Variants in CLMN observed in about 807,000 individuals in gnomAD.
CLMN encodes the protein calmin (calponin-like, transmembrane).
In CLMN, 57 loss-of-function variants were observed where a neutral mutation model predicts 92.7. That is an observed-to-expected ratio of 0.61 (90% CI 0.50 to 0.77). CLMN has a LOEUF of 0.77. CLMN is among the 30% of genes least tolerant of loss of function. CLMN has a pLI of 0.00. For missense variants in CLMN, 1,158 were observed against 1,237.5 expected (o/e 0.94, Z 0.96); for synonymous variants, 466 against 470.6 (o/e 0.99, Z 0.13).
At chr14:95,272,395 G>T (rs903539980) in intron 1 of CLMN, among the ~76,000 whole-genome samples, 1 of 152,204 alleles carries the variant, frequency 6.6e-6, no homozygotes, top group Non-Finnish European at 1.5e-5. Context: ...ACAGAATGGG[G>T]TGGGAGAGAA....
intron 4 of CLMN, among the ~76,000 whole-genome samples, chr14:95,219,885 T>C (rs1307124520): frequency 6.6e-6 from 1 of 152,120 alleles, no homozygotes; most frequent in East Asian, 1.9e-4. Context: ...TATGCAAGAA[T>C]CACTACAATC....
intron 1 of CLMN, among the ~76,000 whole-genome samples, chr14:95,306,927 C>T (rs147539067): frequency 8.5e-4 from 130 of 152,260 alleles, no homozygotes; most frequent in African/African-American, 2.9e-3. Context: ...CAAGATGAAA[C>T]AATACATGCA....
intron 1 of CLMN, among the ~76,000 whole-genome samples, chr14:95,242,250 C>CTTTTTTTTTTT (rs371417505): frequency 5.3e-4 from 49 of 92,590 alleles, no homozygotes; most frequent in Non-Finnish European, 8.1e-4. Context: ...TTTTCTTTTT[C>CTTTTTTTTTTT]TTTTTTTTTT....
intron 2 of CLMN, among the ~76,000 whole-genome samples, chr14:95,226,668 T>C (rs1464524992): frequency 2.0e-5 from 3 of 152,036 alleles, no homozygotes; most frequent in Non-Finnish European, 4.4e-5. Context: ...TCTCAAACCC[T>C]TAGCTCAAGT....
At chr14:95,254,083 A>G (rs897173531) in intron 1 of CLMN, among the ~76,000 whole-genome samples, 2 of 152,152 alleles carry the variant, frequency 1.3e-5, no homozygotes, top group Non-Finnish European at 2.9e-5. Context: ...TCCTAGCAGC[A>G]CCACTGTTGT....
At chr14:95,221,122 T>C (rs1054731473) in intron 4 of CLMN, among the ~76,000 whole-genome samples, 5 of 152,170 alleles carry the variant, frequency 3.3e-5, no homozygotes, top group Admixed American at 1.3e-4. Context: ...CCCGGATTGA[T>C]TGGTGAAACC....
chr14:95,293,633 G>C (rs1217494266), intron 1 of CLMN, among the ~76,000 whole-genome samples: 4 of 152,098 alleles, frequency 2.6e-5, no homozygotes, highest in African/African-American at 9.7e-5. Flanking sequence ...CCCAGCACTG[G>C]ATAAGAAGGG....
chr14:95,262,054 T>C (rs1262281182), intron 1 of CLMN, among the ~76,000 whole-genome samples: 1 of 152,242 alleles, frequency 6.6e-6, no homozygotes, highest in East Asian at 1.9e-4. Flanking sequence ...TGGGCCAGCG[T>C]CCACGCCTGT....
At chr14:95,240,819 G>A (rs1041095834) in intron 1 of CLMN, among the ~76,000 whole-genome samples, 2 of 152,192 alleles carry the variant, frequency 1.3e-5, no homozygotes, top group Non-Finnish European at 2.9e-5. Context: ...GGAAGTGATT[G>A]GCCTCAGTAG....
chr14:95,214,346 T>G (rs978907446), intron 5 of CLMN, among the ~76,000 whole-genome samples: 2 of 90,640 alleles, frequency 2.2e-5, no homozygotes, highest in Non-Finnish European at 4.7e-5. Context: ...TGCTGCTGCT[T>G]TTTTTTTTTT....
intron 1 of CLMN, among the ~76,000 whole-genome samples, chr14:95,304,412 C>A (rs1426180309): frequency 6.6e-6 from 1 of 151,648 alleles, no homozygotes; most frequent in East Asian, 1.9e-4. Flanking sequence ...AGCCAATTTA[C>A]AACCCAGAAG....
intron 1 of CLMN, among the ~76,000 whole-genome samples, chr14:95,265,930 T>C (rs780982558): frequency 8.5e-5 from 13 of 152,206 alleles, no homozygotes; most frequent in Non-Finnish European, 1.6e-4. Context: ...AGCCATCTCC[T>C]GATGAAACCA....
intron 9 of CLMN, among the ~76,000 whole-genome samples, chr14:95,198,850 T>G (rs924513427): frequency 1.6e-4 from 25 of 152,218 alleles, no homozygotes; most frequent in Non-Finnish European, 3.4e-4. Flanking sequence ...ACAGGCCACA[T>G]CCAATAGGCC....
At chr14:95,241,409 C>T (rs1239571168) in intron 1 of CLMN, among the ~76,000 whole-genome samples, 1 of 152,080 alleles carries the variant, frequency 6.6e-6, no homozygotes, top group African/African-American at 2.4e-5. Flanking sequence ...CTGGGACAGG[C>T]AGAACTGGAT....
rs574353507 is a variant in CLMN, at chr14:95,221,692, T to C, written c.323A>G (p.Asn108Ser). The C allele has an allele frequency of 8.1e-6, 13 of 1,613,288 alleles. No individual in the cohort carries two copies. The highest frequency in any genetic ancestry group is 5.0e-5 in the Admixed American group (3 of 59,954). ...AKALKFLEDS[N>S]VKLVSIDAAE... ...GCAGGATGAGCTTCAAACACTTACA[T>C]TGCTATCTTCCAAAAACTTAAGTGC... is the stretch of plus-strand genomic sequence containing the variant. The change falls in exon 4 of 13, where the codon AAT becomes AGT. Residue 108 changes from asparagine (N) to serine (S), a missense_variant and splice_region_variant. Asn to Ser is a conservative substitution (Grantham distance 46). Transcript: ENST00000298912.
At chr14:95,235,879 A>T (rs551394886) in intron 1 of CLMN, among the ~76,000 whole-genome samples, 16 of 152,294 alleles carry the variant, frequency 1.1e-4, no homozygotes, top group African/African-American at 3.8e-4. Context: ...ACGTTCGGGC[A>T]TGCAGGAGGC....
At chr14:95,318,539 C>A (rs896929444) in intron 1 of CLMN, among the ~76,000 whole-genome samples, 1 of 152,120 alleles carries the variant, frequency 6.6e-6, no homozygotes, top group African/African-American at 2.4e-5. Context: ...CTTGACTGCT[C>A]GGCCATCCCC....
At position 95,202,914 on chromosome 14, in the gene CLMN, T is replaced by G; in HGVS notation, c.2435A>C (p.Glu812Ala). The G allele has an allele frequency of 6.3e-7, 1 of 1,596,736 alleles. No individual in the cohort carries two copies. The highest frequency in any genetic ancestry group is 8.5e-7 in the Non-Finnish European group (1 of 1,173,930). The change falls in exon 9 of 13, where the codon GAA becomes GCA. Residue 812 changes from glutamate to alanine, a missense_variant. Transcript: ENST00000298912. ...CTCATGGGGGGCCAGTGGAGCGGGTTCTGAGGCTGGTGTGGTACCCACACC... is the reference window on the plus strand; with the variant it reads ...CTCATGGGGGGCCAGTGGAGCGGGTGCTGAGGCTGGTGTGGTACCCACACC... ...RGGVGTTPAS[E>A]PAPLAPHEDH...
At chr14:95,282,703 A>G (rs2140743074) in intron 1 of CLMN, among the ~76,000 whole-genome samples, 1 of 152,346 alleles carries the variant, frequency 6.6e-6, no homozygotes, top group Middle Eastern at 3.4e-3. Context: ...CAGCCCAGGA[A>G]GCCTTTATAT....
Sources: allele counts gnomAD v4.1 joint callset (sites outside exome capture counted in the v4.1 genomes callset), GRCh38; gene constraint gnomAD v4.1.1; transcripts MANE v1.5; gene names NCBI Gene and HGNC (gene_info 2026-07-23, HGNC 2026-07-21).